PACSIN1: variants seen among roughly 807,000 people sequenced by gnomAD.
The protein encoded by PACSIN1 is protein kinase C and casein kinase substrate in neurons protein 1.
PACSIN1 carries 15 observed loss-of-function variants against 59.5 expected under a neutral mutation model. The ratio of observed to expected loss-of-function variants is 0.25; its 90% CI spans 0.17 to 0.39. The LOEUF (loss-of-function observed/expected upper bound fraction) is 0.39. Ranked by LOEUF, PACSIN1 falls within the 10% of genes least tolerant of loss-of-function variation. The pLI is 1.00. For missense variants in PACSIN1, 420 were observed against 580.2 expected (o/e 0.72, Z 2.84); for synonymous variants, 210 against 220.6 (o/e 0.95, Z 0.42).
chr6:34,468,288 G>T (rs1463749016), intron 1 of PACSIN1, among the ~76,000 whole-genome samples: 1 of 152,186 alleles, frequency 6.6e-6, no homozygotes, highest in African/African-American at 2.4e-5. Flanking sequence ...AAGATTTCCA[G>T]GCTTAGGAGG....
At chr6:34,523,463 T>C (rs1419353342) in intron 1 of PACSIN1, among the ~76,000 whole-genome samples, 1 of 152,224 alleles carries the variant, frequency 6.6e-6, no homozygotes, top group Non-Finnish European at 1.5e-5. Context: ...GGAGGTAGAC[T>C]TGACATGTGA....
At position 34,497,869 on chromosome 6, in the gene PACSIN1, C is replaced by T. The variant is rs1766970703; in HGVS notation, c.-63-28374C>T. 2.6e-5 allele frequency among the ~76,000 whole-genome samples: 4 copies of T among 152,134 alleles called. No individual in the cohort carries two copies. In the South Asian group the frequency reaches 8.3e-4, roughly 31 times the overall value. ...CTATTCTATGTGTCCATGGGCCACG[C>T]CTCATGCTAGAAACTGAGAATACAG... On this transcript the variant is annotated intron_variant, in intron 1 of 9. Coordinates refer to ENST00000244458, the MANE Select transcript of PACSIN1 (RefSeq NM_020804.5).
In PACSIN1 at chr6:34,526,382, G is replaced by T. The variant is rs768731770; in HGVS notation, c.63+14G>T. 2 of 1,610,582 alleles carry T rather than the reference G, an allele frequency of 1.2e-6. No homozygotes were observed. Among genetic ancestry groups the T allele is most frequent in the South Asian group, 2.2e-5 (2 of 90,972 alleles). ...AGCTTCTGGGAGGTGAGGCTCTCAT[G>T]ATCCCCAGGTTCGGGGACCAGACAG... On this transcript the variant is annotated intron_variant, in intron 2 of 9. Coordinates refer to ENST00000244458, the MANE Select transcript of PACSIN1 (RefSeq NM_020804.5).
In PACSIN1 at chr6:34,530,236, A is replaced by G. The variant is rs1408388665; in HGVS notation, c.789-7A>G. ...GCCCTCCACCTCCCCCATCTCCCTG[A>G]GCACAGCTACATCCATGTGTACCGT... On this transcript the variant is annotated splice_region_variant and splice_polypyrimidine_tract_variant and intron_variant, in intron 6 of 9. Transcript: ENST00000244458. The surrounding 1 kb of genome is among the most constrained non-coding windows in gnomAD (Gnocchi z 4.4). The G allele has an allele frequency of 6.2e-7, 1 of 1,608,286 alleles. No individual in the cohort carries two copies. Among genetic ancestry groups the G allele is most frequent in the Non-Finnish European group, 8.5e-7 (1 of 1,175,886 alleles).
chr6:34,496,461 C>T (rs532975799), intron 1 of PACSIN1, among the ~76,000 whole-genome samples: 6 of 152,306 alleles, frequency 3.9e-5, no homozygotes, highest in East Asian at 1.9e-4. Context: ...GAGCTCTTGG[C>T]GCAGAGGCTG....
intron 1 of PACSIN1, among the ~76,000 whole-genome samples, chr6:34,506,415 A>C (rs545169474): frequency 2.0e-4 from 31 of 152,094 alleles, no homozygotes; most frequent in Non-Finnish European, 2.9e-4. Flanking sequence ...GGGTCTCACT[A>C]TATTGCCAAG....
At chr6:34,481,617 C>T (rs1051891180) in intron 1 of PACSIN1, among the ~76,000 whole-genome samples, 5 of 151,584 alleles carry the variant, frequency 3.3e-5, no homozygotes, top group Non-Finnish European at 7.4e-5. Context: ...TTGCAGTGAG[C>T]CGAGATCGTG....
intron 1 of PACSIN1, among the ~76,000 whole-genome samples, chr6:34,467,316 T>A (rs1311118486): frequency 1.1e-4 from 16 of 152,212 alleles, no homozygotes. Flanking sequence ...AGACCAGAAG[T>A]ACCTTCAGGC....
At chr6:34,468,715 G>T (rs553236910) in intron 1 of PACSIN1, among the ~76,000 whole-genome samples, 5 of 152,142 alleles carry the variant, frequency 3.3e-5, no homozygotes, top group African/African-American at 1.2e-4. Flanking sequence ...AGCTTCCCCA[G>T]CTTGGGCTGG....
chr6:34,513,956 T>C (rs1489819705), intron 1 of PACSIN1, among the ~76,000 whole-genome samples: 1 of 152,192 alleles, frequency 6.6e-6, no homozygotes, highest in Non-Finnish European at 1.5e-5. Context: ...TGTGCCGCAC[T>C]GAGTTTGTGT....
At chr6:34,477,711 T>G (rs1272837830) in intron 1 of PACSIN1, among the ~76,000 whole-genome samples, 2 of 152,246 alleles carry the variant, frequency 1.3e-5, no homozygotes, top group African/African-American at 4.8e-5. Context: ...TGGTGCATAC[T>G]GGAGGATAAA....
At chr6:34,517,692 C>CT (rs1581980263) in intron 1 of PACSIN1, among the ~76,000 whole-genome samples, 1 of 152,152 alleles carries the variant, frequency 6.6e-6, no homozygotes, top group East Asian at 1.9e-4. Context: ...ATGACCTTCT[C>CT]TGACCATCCT....
In PACSIN1 at chr6:34,509,651, G is replaced by A. The variant is rs532965500; in HGVS notation, c.-63-16592G>A. ...ACATTGAGTCTGTAGATTGCTTTGAGTAGTATGGATATTTTAAGAATATTA... is the reference window on the plus strand; with the variant it reads ...ACATTGAGTCTGTAGATTGCTTTGAATAGTATGGATATTTTAAGAATATTA... On this transcript the variant is annotated intron_variant, in intron 1 of 9. Transcript: ENST00000244458. Among the ~76,000 whole-genome samples the A allele has an allele frequency of 9.2e-5, 14 of 152,248 alleles. 1 individual carries two copies. Among genetic ancestry groups the A allele is most frequent in the Admixed American group, 9.2e-4 (14 of 15,296 alleles).
At chr6:34,508,164 C>T (rs879640581) in intron 1 of PACSIN1, among the ~76,000 whole-genome samples, 6 of 152,122 alleles carry the variant, frequency 3.9e-5, no homozygotes, top group African/African-American at 7.2e-5. Flanking sequence ...AGTCCAATGG[C>T]GCAATCTCAG....
intron 1 of PACSIN1, among the ~76,000 whole-genome samples, chr6:34,501,619 G>T (rs759997985): frequency 8.5e-5 from 13 of 152,224 alleles, no homozygotes; most frequent in Non-Finnish European, 1.6e-4. Context: ...ACCAGAACAG[G>T]TGGGGAGGTT....
intron 1 of PACSIN1, among the ~76,000 whole-genome samples, chr6:34,502,298 C>T (rs1767036470): frequency 6.6e-6 from 1 of 151,948 alleles, no homozygotes; most frequent in Admixed American, 6.6e-5. Context: ...ACTTTTGGAG[C>T]CCTGAGTTAC....
In PACSIN1 at chr6:34,528,801, G is replaced by T; in HGVS notation, c.380G>T (p.Gly127Val). ...GACGCCTATCACAAGCAGATCATGG[G>T]TGGCTTCAAGGAGACGAAGGAGGCT... ...QKDAYHKQIM[G>V]GFKETKEAED... Residue 127 changes from glycine to valine, a missense_variant, in exon 4 of 10, where the codon GGT becomes GTT. By Grantham distance (109) the Gly-to-Val change is moderately radical (BLOSUM62 -3). Transcript: ENST00000244458. The T allele has an allele frequency of 6.2e-7, 1 of 1,613,840 alleles. No homozygotes were observed.
chr6:34,469,478 G>A (rs1036180207), intron 1 of PACSIN1, among the ~76,000 whole-genome samples: 1 of 152,140 alleles, frequency 6.6e-6, no homozygotes, highest in Non-Finnish European at 1.5e-5. Flanking sequence ...GGTAGAGGAG[G>A]GGTCCCGGAG....
At chr6:34,510,959 C>T (rs767279094) in intron 1 of PACSIN1, among the ~76,000 whole-genome samples, 3 of 152,160 alleles carry the variant, frequency 2.0e-5, no homozygotes, top group Admixed American at 1.3e-4. Context: ...GCAATCTGCT[C>T]GCCTCGGCCT....
Sources: allele counts gnomAD v4.1 joint callset (sites outside exome capture counted in the v4.1 genomes callset), GRCh38; gene constraint gnomAD v4.1.1; non-coding constraint Gnocchi (gnomAD v3.1); transcripts MANE v1.5; gene names NCBI Gene and HGNC (gene_info 2026-07-23, HGNC 2026-07-21).